Variants in IL12RB1 observed in about 807,000 individuals in gnomAD.
IL12RB1 encodes interleukin-12 receptor subunit beta-1.
A neutral mutation model predicts 94.4 loss-of-function variants in IL12RB1; 64 were observed. That is an observed-to-expected ratio of 0.68 (90% confidence interval 0.55 to 0.83). The LOEUF is 0.83. Ranked by LOEUF, IL12RB1 falls within the 40% of genes least tolerant of loss-of-function variation. IL12RB1 has a pLI of 0.00. For missense variants in IL12RB1, 814 were observed against 855.6 expected (o/e 0.95, Z 0.61); for synonymous variants, 362 against 355.5 (o/e 1.02, Z -0.21).
At chr19:18,094,830 C>T (rs905738236) in intron 1 of IL12RB1, among the ~76,000 whole-genome samples, 1 of 151,540 alleles carries the variant, frequency 6.6e-6, no homozygotes, top group Non-Finnish European at 1.5e-5. Context: ...CATAGAGTTA[C>T]ACCATATGAC....
At chr19:18,079,135 G>A (rs979545276) in intron 4 of IL12RB1, among the ~76,000 whole-genome samples, 13 of 143,370 alleles carry the variant, frequency 9.1e-5, no homozygotes, top group African/African-American at 2.8e-4. Context: ...ATGGAGTCTC[G>A]CTCTGTCACC....
At chr19:18,062,037 G>A (rs376198209) in intron 14 of IL12RB1, 144 bp downstream of exon 14, 2 of 619,842 alleles carry the variant, frequency 3.2e-6, no homozygotes, top group Non-Finnish European at 5.9e-6. Flanking sequence ...CTTCAATAAA[G>A]CTGTTTTCTT....
intron 1 of IL12RB1, among the ~76,000 whole-genome samples, chr19:18,093,179 C>T (rs1426033051): frequency 6.6e-6 from 1 of 151,806 alleles, no homozygotes; most frequent in East Asian, 1.9e-4. Context: ...GTGGCAGGTG[C>T]CTGTAATTCC....
upstream of IL12RB1, chr19:18,086,973 C>A: frequency 6.6e-7 from 1 of 1,511,062 alleles, no homozygotes. Context: ...AGTGTCACAG[C>A]CCATCCCTAA....
upstream of IL12RB1, among the ~76,000 whole-genome samples, chr19:18,089,550 G>A (rs200139004): frequency 7.3e-5 from 11 of 150,748 alleles, no homozygotes; most frequent in South Asian, 8.4e-4. Context: ...GCTTGAACCC[G>A]GGAGGCAGAG....
At chr19:18,063,831 C>T (rs554300618) in intron 13 of IL12RB1, 45 bp downstream of exon 13, 2 of 1,575,674 alleles carry the variant, frequency 1.3e-6, no homozygotes, top group African/African-American at 1.3e-5. Context: ...AAGCGCAGTG[C>T]AGTGCATGCT....
At chr19:18,064,418 T>C (rs7255688) in intron 12 of IL12RB1, among the ~76,000 whole-genome samples, 57,850 of 149,330 alleles carry the variant, frequency 0.39, 13,015 homozygotes, top group Non-Finnish European at 0.51. Flanking sequence ...GGATTACAGG[T>C]GTGAGCCACC....
chr19:18,060,007 C>G lies in IL12RB1; in HGVS notation c.1870G>C (p.Asp624His). 1.2e-6 allele frequency: 2 copies of G among 1,602,840 alleles called. No individual in the cohort carries two copies. Among genetic ancestry groups the G allele is most frequent in the Non-Finnish European group, 1.7e-6 (2 of 1,171,794 alleles). Residue 624 changes from aspartate (D) to histidine (H), a missense_variant, in exon 16 of 17, where the codon GAC (aspartate) becomes CAC (histidine). By Grantham distance (81) the Asp-to-His change is moderately conservative (BLOSUM62 -1). Transcript: ENST00000593993. ...QEALVVEMSWDKGERTEPLEK... is the reference protein window; with the variant it reads ...QEALVVEMSWHKGERTEPLEK... Reference sequence around the variant, plus strand: ...AGAGGCTCAGTCCTCTCGCCTTTGTCCCAGGACATCTCTACCACCAGGGCC... The same window carrying G: ...AGAGGCTCAGTCCTCTCGCCTTTGTGCCAGGACATCTCTACCACCAGGGCC...
chr19:18,085,717 C>T (rs1251112294), intron 1 of IL12RB1, among the ~76,000 whole-genome samples: 1 of 152,036 alleles, frequency 6.6e-6, no homozygotes, highest in Non-Finnish European at 1.5e-5. Context: ...TCAAGCGATC[C>T]TCCCACCTCA....
At chr19:18,072,962 A>G (rs57924920) in intron 8 of IL12RB1, among the ~76,000 whole-genome samples, 1 of 136,262 alleles carries the variant, frequency 7.3e-6, no homozygotes, top group African/African-American at 2.6e-5. Flanking sequence ...AAAAAAAAAA[A>G]AAAGGAAAAA....
At chr19:18,073,107 C>T (rs3761041) in intron 8 of IL12RB1, among the ~76,000 whole-genome samples, 19,448 of 152,014 alleles carry the variant, frequency 0.13, 1,378 homozygotes, top group East Asian at 0.28. Context: ...TCAGTTTTGT[C>T]TCAACAGAGA....
chr19:18,096,560 C>G (rs2036945630), intron 1 of IL12RB1, among the ~76,000 whole-genome samples: 1 of 151,986 alleles, frequency 6.6e-6, no homozygotes, highest in Non-Finnish European at 1.5e-5. Context: ...AGGCAAAACA[C>G]CAAAACTCTT....
chr19:18,083,207 A>G, intron 2 of IL12RB1: 1 of 632,644 alleles, frequency 1.6e-6, no homozygotes, highest in South Asian at 1.8e-5. Context: ...ACCAGCCCTG[A>G]GACCATGCTA....
chr19:18,089,540 G>A (rs1156430238), upstream of IL12RB1, among the ~76,000 whole-genome samples: 5 of 150,350 alleles, frequency 3.3e-5, no homozygotes, highest in African/African-American at 7.4e-5. Flanking sequence ...CAGGAGAATC[G>A]CTTGAACCCG....
In IL12RB1 at chr19:18,080,899, C is replaced by T; in HGVS notation, c.342G>A (p.Trp114Ter). The T allele has an allele frequency of 6.2e-7, 1 of 1,613,022 alleles. No individual in the cohort carries two copies. The highest frequency in any genetic ancestry group is 8.5e-7 in the Non-Finnish European group (1 of 1,179,014). Residue 114 changes from tryptophan (W) to a stop codon, truncating the protein, a stop_gained, in exon 4 of 17, where the codon TGG (tryptophan) becomes TGA (stop). Transcript: ENST00000593993. LOFTEE classifies it high-confidence loss of function. ...TCTGGTTCCTGGCCCAGGATTCCAC[C>T]CAGAGTGTGACAGTGTACAGCACAG... ...GVSVLYTVTL[W>*]VESWARNQTE...
chr19:18,097,675 C>CG, intron 1 of IL12RB1: 1 of 579,380 alleles, frequency 1.7e-6, no homozygotes, highest in South Asian at 8.2e-5. Flanking sequence ...TCGGGCTCCC[C>CG]GGGAGGGGCG....
chr19:18,073,458 G>T, intron 8 of IL12RB1, 59 bp downstream of exon 8: 1 of 1,031,022 alleles, frequency 9.7e-7, no homozygotes, highest in Non-Finnish European at 1.5e-6. Flanking sequence ...CCCCGCCTAG[G>T]CTTTTGCCTC....
At chr19:18,084,955 G>T (rs1353731398) in intron 1 of IL12RB1, among the ~76,000 whole-genome samples, 2 of 152,240 alleles carry the variant, frequency 1.3e-5, no homozygotes, top group Non-Finnish European at 1.5e-5. Context: ...GCATGGCAGG[G>T]AGAGGCCTGC....
chr19:18,064,072 GCTA>G, intron 12 of IL12RB1, 62 bp from the exon 13 acceptor site: 1 of 1,236,218 alleles, frequency 8.1e-7, no homozygotes, highest in South Asian at 1.2e-5. Context: ...GCCAGGCTGG[GCTA>G]CCACAGCCTG....
Sources: gnomAD v4.1 joint callset for allele counts (sites outside exome capture counted in the v4.1 genomes callset) on GRCh38, gnomAD v4.1.1 for gene constraint, MANE v1.5 for transcripts, NCBI Gene and HGNC (gene_info 2026-07-23, HGNC 2026-07-21) for gene names.